Variants in PDCD11 observed in about 807,000 individuals in gnomAD.
PDCD11 encodes the protein programmed cell death 11.
PDCD11 carries 97 observed loss-of-function variants against 198.9 expected under a neutral mutation model. The observed-to-expected ratio is 0.49, with a 90% CI of 0.41 to 0.58. The LOEUF is 0.58. Among genes scored for constraint, PDCD11 ranks in the 20% least tolerant of loss-of-function variants. The probability of loss-of-function intolerance (pLI) is 0.00; values close to 1 mark genes in which losing one functional copy is unlikely to be tolerated. For missense variants in PDCD11, 2,102 were observed against 2,312.7 expected, an observed-to-expected ratio of 0.91 and a Z score of 1.87; for synonymous variants, 893 against 918.0, an observed-to-expected ratio of 0.97 and a Z score of 0.49.
rs373544622 is a variant in PDCD11 at position 103,439,160 on chromosome 10, A to C, written c.4025+352A>C. 3.3e-4 allele frequency among the ~76,000 whole-genome samples: 50 copies of C among 152,232 alleles called. 1 individual carries two copies. In the East Asian group the frequency reaches 4.8e-3, roughly 15 times the overall value. On this transcript the variant is annotated intron_variant, in intron 27 of 35. Coordinates refer to ENST00000369797, the MANE Select transcript of PDCD11 (RefSeq NM_014976.2). ...TCAAGACCAGCCTGGGCAACAAAGC[A>C]AGACCCCCATGTCTCCAGAAAAAAA...
At chr10:103,404,124 G>C (rs1264049192) in intron 4 of PDCD11, among the ~76,000 whole-genome samples, 2 of 151,782 alleles carry the variant, frequency 1.3e-5, no homozygotes, top group Non-Finnish European at 2.9e-5. Context: ...CAGTAGCTGG[G>C]ATTACAGGTG....
intron 13 of PDCD11, 34 bp downstream of exon 13, chr10:103,416,776 T>C (rs2031135195): frequency 6.2e-7 from 1 of 1,601,506 alleles, no homozygotes. Context: ...CCCTTTACCC[T>C]TGGTGACCCC....
At chr10:103,421,076 A>T (rs1263386854) in intron 16 of PDCD11, among the ~76,000 whole-genome samples, 1 of 151,938 alleles carries the variant, frequency 6.6e-6, no homozygotes, top group Non-Finnish European at 1.5e-5. Flanking sequence ...GGGTTTCACC[A>T]TGTTGGTCAG....
intron 12 of PDCD11, among the ~76,000 whole-genome samples, 157 bp from the exon 13 acceptor site, chr10:103,416,334 A>G (rs1434800019): frequency 6.6e-6 from 1 of 152,254 alleles, no homozygotes; most frequent in African/African-American, 2.4e-5. Context: ...ATTGTCATAC[A>G]GCAGGAAGAA....
rs760764994 is a variant in PDCD11 at position 103,433,977 on chromosome 10, G to A, written c.3504G>A (p.Val1168=). The change falls in exon 23 of 36, where the codon GTG becomes GTA. Residue 1168 remains valine (V), a synonymous_variant. Transcript: ENST00000369797. ...KYNVVKKWLE[V]EIAPDIRGRI... The stretch of plus-strand genomic sequence containing the variant: ...ATGTGGTGAAGAAATGGCTTGAGGT[G>A]GAGATTGCCCCAGACATCCGGGGGA... 4 of 1,613,966 alleles carry A rather than the reference G, an allele frequency of 2.5e-6. No homozygotes were observed. Among genetic ancestry groups the A allele is most frequent in the East Asian group, 2.2e-5 (1 of 44,888 alleles).
At chr10:103,426,088 T>G (rs2133722910) in intron 20 of PDCD11, among the ~76,000 whole-genome samples, 1 of 152,344 alleles carries the variant, frequency 6.6e-6, no homozygotes, top group African/African-American at 2.4e-5. Context: ...CAAATTTTAT[T>G]TTCTTAATTT....
chr10:103,413,515 T>A (rs901887796), intron 9 of PDCD11, among the ~76,000 whole-genome samples, 193 bp downstream of exon 9: 7 of 152,242 alleles, frequency 4.6e-5, no homozygotes, highest in Non-Finnish European at 7.3e-5. Context: ...CAGCTTGCCA[T>A]ATCTGATACT....
In PDCD11 at chr10:103,437,911, C is replaced by T; in HGVS notation, c.3846-104C>T. The T allele has an allele frequency of 3.4e-6, 3 of 872,526 alleles. No homozygotes were observed. The South Asian group carries it at 4.3e-5, about 13-fold the overall frequency. 54.0% of individuals were successfully genotyped at this position (872,526 alleles called of 1,614,324 possible). A position where few individuals can be genotyped will look rare whatever the true frequency, so the allele number is the denominator to read the frequency against. Reference sequence around the variant, plus strand: ...AAACATGACCAGAGTCTCCTGTCTCCTCACTCCTGCCTATTCGTCAGCCTG... The same window carrying T: ...AAACATGACCAGAGTCTCCTGTCTCTTCACTCCTGCCTATTCGTCAGCCTG... On this transcript the variant is annotated intron_variant, in intron 25 of 35. Transcript: ENST00000369797.
At chr10:103,424,188 C>T (rs1237851574) in intron 19 of PDCD11, among the ~76,000 whole-genome samples, 1 of 152,198 alleles carries the variant, frequency 6.6e-6, no homozygotes, top group Non-Finnish European at 1.5e-5. Flanking sequence ...GCTGTGCGTC[C>T]ACACCCTCGC....
intron 21 of PDCD11, among the ~76,000 whole-genome samples, chr10:103,428,547 C>T (rs78317426): frequency 1.3e-5 from 2 of 152,156 alleles, no homozygotes; most frequent in East Asian, 3.8e-4. Flanking sequence ...TTTCAGCCTG[C>T]AGTATCTTCA....
chr10:103,419,397 C>A, intron 15 of PDCD11, 141 bp from the exon 16 acceptor site: 2 of 868,318 alleles, frequency 2.3e-6, no homozygotes, highest in Non-Finnish European at 3.6e-6. Context: ...GATGTTGATG[C>A]TGCTGGTCTG....
At chr10:103,432,105 T>C (rs2031959982) in intron 21 of PDCD11, 24 bp from the exon 22 acceptor site, 2 of 1,569,578 alleles carry the variant, frequency 1.3e-6, no homozygotes, top group African/African-American at 2.7e-5. Flanking sequence ...GGGTTTACTG[T>C]TTACATTTCC....
Position 103,434,872 on chromosome 10 carries a change from G to A in PDCD11, c.3742G>A (p.Val1248Ile), listed in dbSNP as rs191877975. The A allele has an allele frequency of 5.8e-5, 93 of 1,612,780 alleles. No individual in the cohort carries two copies. The East Asian group carries it at 6.7e-4, about 12-fold the overall frequency. ...VKVTPNEGLTVSFPFGKIGTV... is the reference protein window; with the variant it reads ...VKVTPNEGLTISFPFGKIGTV... Reference sequence around the variant, plus strand: ...GGTGACTCCCAACGAGGGGCTGACCGTCTCCTTCCCCTTTGGGAAGATAGG... The same window carrying A: ...GGTGACTCCCAACGAGGGGCTGACCATCTCCTTCCCCTTTGGGAAGATAGG... Residue 1248 changes from valine to isoleucine, a missense_variant, in exon 25 of 36, where the codon GTC becomes ATC. By Grantham distance (29) the Val-to-Ile change is conservative. Transcript: ENST00000369797.
At chr10:103,433,347 T>G (rs1306058700) in intron 22 of PDCD11, among the ~76,000 whole-genome samples, 3 of 151,908 alleles carry the variant, frequency 2.0e-5, no homozygotes, top group African/African-American at 7.3e-5. Context: ...ATACAAAAAT[T>G]TAGCCGGGCC....
At chr10:103,434,069 C>T (rs771480425) in intron 23 of PDCD11, 32 bp downstream of exon 23, 1 of 1,546,220 alleles carries the variant, frequency 6.5e-7, no homozygotes, top group Non-Finnish European at 8.9e-7. Flanking sequence ...GGAGAGGGGA[C>T]CCAAGTTCCC....
chr10:103,397,651 C>T (rs2093444171), intron 1 of PDCD11, among the ~76,000 whole-genome samples: 1 of 152,236 alleles, frequency 6.6e-6, no homozygotes, highest in Admixed American at 6.5e-5. Context: ...CTATGCTGGT[C>T]TCGAACTCCT....
At position 103,434,354 on chromosome 10, in the gene PDCD11, T is replaced by A; in HGVS notation, c.3667+4T>A. Reference sequence around the variant, plus strand: ...CTCTTATGTCTGTCCCTCACAGGTGTGGGGATGAAACAGTGCCTGGTCGGG... The same window carrying A: ...CTCTTATGTCTGTCCCTCACAGGTGAGGGGATGAAACAGTGCCTGGTCGGG... On this transcript the variant is annotated splice_donor_region_variant and intron_variant, in intron 24 of 35. Coordinates refer to ENST00000369797, the MANE Select transcript of PDCD11 (RefSeq NM_014976.2). 6.4e-7 allele frequency: 1 copy of A among 1,573,422 alleles called. No homozygotes were observed. The highest frequency in any genetic ancestry group is 8.7e-7 in the Non-Finnish European group (1 of 1,143,404).
intron 9 of PDCD11, 137 bp from the exon 10 acceptor site, chr10:103,413,829 A>G: frequency 1.2e-6 from 1 of 818,264 alleles, no homozygotes; most frequent in Non-Finnish European, 1.8e-6. Context: ...TTTAGTGTGA[A>G]GAATTACTTA....
chr10:103,439,913 C>T (rs770779191), intron 28 of PDCD11, 45 bp downstream of exon 28: 4 of 1,611,190 alleles, frequency 2.5e-6, no homozygotes, highest in Non-Finnish European at 2.5e-6. Flanking sequence ...GTGAATCAAA[C>T]CCCTTTCTCC....
Sources: gnomAD v4.1 joint callset for allele counts (sites outside exome capture counted in the v4.1 genomes callset) on GRCh38, gnomAD v4.1.1 for gene constraint, MANE v1.5 for transcripts, NCBI Gene and HGNC (gene_info 2026-07-23, HGNC 2026-07-21) for gene names.